The following CDH4 variants were observed in gnomAD, a reference collection of about 807,000 sequenced individuals.
CDH4 encodes cadherin 4.
A neutral mutation model predicts 86.0 loss-of-function variants in CDH4; 33 were observed. The observed-to-expected ratio is 0.38, with a 90% CI of 0.29 to 0.51. The LOEUF (loss-of-function observed/expected upper bound fraction) is 0.51. Among genes scored for constraint, CDH4 ranks in the 20% least tolerant of loss-of-function variants. The pLI is 0.86. For synonymous variants in CDH4, 555 were observed against 549.4 expected (o/e 1.01, Z -0.14); for missense variants, 1,114 against 1,307.4 (o/e 0.85, Z 2.28).
intron 2 of CDH4, among the ~76,000 whole-genome samples, chr20:61,654,588 A>G (rs1021415730): frequency 6.6e-6 from 1 of 152,230 alleles, no homozygotes; most frequent in Non-Finnish European, 1.5e-5. Flanking sequence ...TTTGTAATTT[A>G]TTCCACAGTT....
intron 2 of CDH4, among the ~76,000 whole-genome samples, chr20:61,479,678 T>C (rs1389691898): frequency 6.6e-6 from 1 of 152,150 alleles, no homozygotes; most frequent in Non-Finnish European, 1.5e-5. Flanking sequence ...CTTGGTCTAG[T>C]TTTCTTCATG....
At chr20:61,826,001 G>A (rs552234590) in intron 4 of CDH4, among the ~76,000 whole-genome samples, 102 of 152,206 alleles carry the variant, frequency 6.7e-4, no homozygotes, top group African/African-American at 2.2e-3. Context: ...CTGCCACAGC[G>A]TGCTCTGACC....
chr20:61,864,464 A>G lies in CDH4; in HGVS notation c.878-9264A>G, dbSNP rs528683099. On this transcript the variant is annotated intron_variant, in intron 6 of 15. Coordinates refer to ENST00000614565, the MANE Select transcript of CDH4 (RefSeq NM_001794.5). ...TTGGAGCCTGTGGGGAACGCAGCAC[A>G]TGCCCCCAGAAACACAAGAAAACAC... Among the ~76,000 whole-genome samples the G allele has an allele frequency of 2.6e-5, 4 of 151,556 alleles. No homozygotes were observed. In the South Asian group the frequency reaches 8.3e-4, roughly 32 times the overall value.
At chr20:61,272,871 G>A (rs545779600) in intron 2 of CDH4, among the ~76,000 whole-genome samples, 2 of 148,750 alleles carry the variant, frequency 1.3e-5, no homozygotes, top group African/African-American at 5.0e-5. Context: ...AGAGTACCAT[G>A]CGCAGTTTGG....
At position 61,811,072 on chromosome 20, in the gene CDH4, C is replaced by T. The variant is rs548041375; in HGVS notation, c.577-33596C>T. On this transcript the variant is annotated intron_variant, in intron 4 of 15. Transcript: ENST00000614565. The surrounding 1 kb of genome is among the most constrained non-coding windows in gnomAD (Gnocchi z 4.4). ...TGCTGACTGCCGCATCCTCAGCAGCCGCGCCACATCCTCAGCAGCCCCGCC... is the reference window on the plus strand; with the variant it reads ...TGCTGACTGCCGCATCCTCAGCAGCTGCGCCACATCCTCAGCAGCCCCGCC... 1.1e-4 allele frequency among the ~76,000 whole-genome samples: 17 copies of T among 152,166 alleles called. No homozygotes were observed. The highest frequency in any genetic ancestry group is 2.4e-4 in the Non-Finnish European group (16 of 68,028).
chr20:61,543,392 C>T (rs959017120), intron 2 of CDH4, among the ~76,000 whole-genome samples: 1 of 152,180 alleles, frequency 6.6e-6, no homozygotes, highest in African/African-American at 2.4e-5. Context: ...GGTTGAAGTT[C>T]CCGTGACTTA....
intron 2 of CDH4, among the ~76,000 whole-genome samples, chr20:61,583,487 A>G (rs973671254): frequency 6.6e-6 from 1 of 152,050 alleles, no homozygotes; most frequent in African/African-American, 2.4e-5. Flanking sequence ...CCTGGGTCCC[A>G]TGGAAGGCAT....
chr20:61,717,328 C>G (rs575750805), intron 2 of CDH4, among the ~76,000 whole-genome samples: 1 of 152,332 alleles, frequency 6.6e-6, no homozygotes, highest in South Asian at 2.1e-4. Context: ...TGGCCCAGTA[C>G]TGGGCAGGAC....
At chr20:61,931,373 T>C (rs749852299) in intron 13 of CDH4, among the ~76,000 whole-genome samples, 1 of 152,322 alleles carries the variant, frequency 6.6e-6, no homozygotes, top group Non-Finnish European at 1.5e-5. Flanking sequence ...CCTCACCCTC[T>C]GCAGGCAGGG....
At chr20:61,575,561 T>C (rs1440451061) in intron 2 of CDH4, among the ~76,000 whole-genome samples, 2 of 152,230 alleles carry the variant, frequency 1.3e-5, no homozygotes, top group African/African-American at 4.8e-5. Context: ...AGAGAAGGGA[T>C]CATGATTCTA....
chr20:61,632,693 C>T (rs1478842434), intron 2 of CDH4, among the ~76,000 whole-genome samples: 1 of 151,568 alleles, frequency 6.6e-6, no homozygotes, highest in Non-Finnish European at 1.5e-5. Context: ...TCTCACTTCC[C>T]CCATGTACCT....
chr20:61,505,434 G>A (rs1049921907), intron 2 of CDH4, among the ~76,000 whole-genome samples: 2 of 152,196 alleles, frequency 1.3e-5, no homozygotes, highest in African/African-American at 4.8e-5. Context: ...GGTTCTGAGG[G>A]CGACTCTCTT....
chr20:61,379,466 C>T (rs1333017711), intron 2 of CDH4, among the ~76,000 whole-genome samples: 1 of 152,064 alleles, frequency 6.6e-6, no homozygotes, highest in Non-Finnish European at 1.5e-5. Flanking sequence ...GAAGTTAATC[C>T]AACATCCGAA....
intron 2 of CDH4, among the ~76,000 whole-genome samples, chr20:61,450,662 G>T (rs948826064): frequency 1.3e-5 from 2 of 151,860 alleles, no homozygotes; most frequent in Non-Finnish European, 2.9e-5. Flanking sequence ...AACCGAGAAG[G>T]TGTCTGAGCT....
chr20:61,678,496 C>T (rs572696613), intron 2 of CDH4, among the ~76,000 whole-genome samples: 56 of 152,290 alleles, frequency 3.7e-4, no homozygotes, highest in Middle Eastern at 3.4e-3. Context: ...GTGTGGTGGG[C>T]GCAATGACAC....
At chr20:61,379,291 G>A (rs948536589) in intron 2 of CDH4, among the ~76,000 whole-genome samples, 1 of 152,090 alleles carries the variant, frequency 6.6e-6, no homozygotes, top group Non-Finnish European at 1.5e-5. Flanking sequence ...GGGGTGCTGG[G>A]TCTCAGTGAG....
Position 61,295,386 on chromosome 20 carries a change from A to T in CDH4, c.169+40449A>T, listed in dbSNP as rs540019448. On this transcript the variant is annotated intron_variant, in intron 2 of 15. Transcript: ENST00000614565. ...TGGCGAAGGGTGTGACCTCAGGCTCACACCCCGCTCTGTTGTCTGCCAGGG... is the reference window on the plus strand; with the variant it reads ...TGGCGAAGGGTGTGACCTCAGGCTCTCACCCCGCTCTGTTGTCTGCCAGGG... Among the ~76,000 whole-genome samples, 236 of 152,290 alleles carry T rather than the reference A, an allele frequency of 1.5e-3. 1 individual carries two copies. Among genetic ancestry groups the T allele is most frequent in the South Asian group, 2.5e-3 (12 of 4,826 alleles).
chr20:61,883,738 G>GC (rs1341130542), intron 7 of CDH4, among the ~76,000 whole-genome samples: 1 of 152,168 alleles, frequency 6.6e-6, no homozygotes, highest in African/African-American at 2.4e-5. Context: ...CCAGGGAGGA[G>GC]CCCCCAGCGC....
chr20:61,321,194 G>A (rs1399200832), intron 2 of CDH4, among the ~76,000 whole-genome samples: 2 of 152,180 alleles, frequency 1.3e-5, no homozygotes, highest in African/African-American at 4.8e-5. Flanking sequence ...GTTGATTGAG[G>A]TCAGAGAGCT....
Sources: gnomAD v4.1 joint callset for allele counts (sites outside exome capture counted in the v4.1 genomes callset) on GRCh38, gnomAD v4.1.1 for gene constraint, Gnocchi (gnomAD v3.1) non-coding constraint, MANE v1.5 for transcripts, NCBI Gene and HGNC (gene_info 2026-07-23, HGNC 2026-07-21) for gene names.